The following AATK variants were observed in gnomAD, a reference collection of about 807,000 sequenced individuals.
AATK encodes the protein serine/threonine-protein kinase LMTK1.
A neutral mutation model predicts 114.3 loss-of-function variants in AATK; 91 were observed. The observed-to-expected ratio is 0.80, with a 90% CI of 0.67 to 0.95. AATK has a LOEUF of 0.95. Among genes scored for constraint, AATK ranks in the 40% least tolerant of loss-of-function variants. The pLI, the probability that AATK is intolerant of heterozygous loss-of-function variation, is 0.00. For missense variants in AATK, 2,176 were observed against 1,965.2 expected (o/e 1.11, Z -2.03); for synonymous variants, 1,075 against 916.5 (o/e 1.17, Z -3.12).
intron 12 of AATK, 118 bp from the exon 13 acceptor site, chr17:81,119,698 C>T: frequency 3.8e-6 from 3 of 792,422 alleles, no homozygotes; most frequent in South Asian, 2.1e-5. Context: ...CAGGCCCCGC[C>T]TCCCATGATG....
Position 81,126,993 on chromosome 17 carries a change from G to A in AATK, c.622-433C>T, listed in dbSNP as rs531541704. Among the ~76,000 whole-genome samples, 15 of 151,542 alleles carry A rather than the reference G, an allele frequency of 9.9e-5. No individual in the cohort carries two copies. In the South Asian group the frequency reaches 3.1e-3, roughly 32 times the overall value. The stretch of plus-strand genomic sequence containing the variant: ...CCCCTGTCCCGAGGGAAGCCAGCAG[G>A]GGATCCAGCCCAGCCACAGACAGCC... On this transcript the variant is annotated intron_variant, in intron 6 of 13. Transcript: ENST00000326724. This position sits in a 1 kb window ranked among gnomAD's most constrained non-coding sequence, Gnocchi z 5.1.
At chr17:81,123,472 C>T (rs1235423528) in intron 9 of AATK, 129 bp from the exon 10 acceptor site, 89 of 813,956 alleles carry the variant, frequency 1.1e-4, no homozygotes, top group Non-Finnish European at 1.4e-4. Flanking sequence ...GGGCCTGGTA[C>T]CATACCAGCC....
intron 1 of AATK, among the ~76,000 whole-genome samples, chr17:81,145,165 G>A (rs1026677603): frequency 2.7e-5 from 4 of 150,212 alleles, no homozygotes; most frequent in African/African-American, 9.8e-5. Context: ...CTCCCAAGGT[G>A]GAAAATGCAG....
At chr17:81,147,910 A>T (rs909695571) in intron 1 of AATK, among the ~76,000 whole-genome samples, 2 of 152,260 alleles carry the variant, frequency 1.3e-5, no homozygotes, top group African/African-American at 4.8e-5. Flanking sequence ...GCATATACAT[A>T]TTTGATGAGC....
chr17:81,164,918 T>C (rs1219124256), intron 1 of AATK, among the ~76,000 whole-genome samples: 1 of 152,084 alleles, frequency 6.6e-6, no homozygotes, highest in East Asian at 1.9e-4. Flanking sequence ...AGGGAGCAAA[T>C]GCCTTCAGAC....
chr17:81,120,628 A>T lies in AATK; in HGVS notation c.3308T>A (p.Leu1103Gln). 1 of 1,543,326 alleles carries T rather than the reference A, an allele frequency of 6.5e-7. No homozygotes were observed. The highest frequency in any genetic ancestry group is 8.7e-7 in the Non-Finnish European group (1 of 1,148,234). The part of the protein sequence containing the change: ...PSPSCSQFFL[L>Q]TPVPLRSEGN... ...TTCTGATCTCAGCGGAACCGGGGTCAGCAGGAAAAACTGGGAGCAGCTGGG... is the reference window on the plus strand; with the variant it reads ...TTCTGATCTCAGCGGAACCGGGGTCTGCAGGAAAAACTGGGAGCAGCTGGG... Residue 1103 changes from leucine to glutamine, a missense_variant, in exon 11 of 14, where the codon CTG (leucine) becomes CAG (glutamine). By Grantham distance (113) the Leu-to-Gln change is moderately radical (BLOSUM62 -2). Around this residue, in one of 4 missense-constraint regions of AATK, gnomAD observed 1,701 missense variants for 1,394.7 expected, o/e 1.22. Transcript: ENST00000326724.
At chr17:81,137,171 T>C (rs966211598) in intron 1 of AATK, among the ~76,000 whole-genome samples, 4 of 151,522 alleles carry the variant, frequency 2.6e-5, no homozygotes, top group Admixed American at 6.6e-5. Flanking sequence ...CACAGGAGAA[T>C]TGCTCGAACC....
chr17:81,120,559 C>T lies in AATK; in HGVS notation c.3377G>A (p.Gly1126Glu). The change falls in exon 11 of 14, where the codon GGG becomes GAG. Residue 1126 changes from glycine to glutamate, a missense_variant. Physicochemically the swap from Gly to Glu is moderately conservative, Grantham distance 98 (BLOSUM62 -2). This residue lies in a region of AATK where 1,701 missense variants were observed against 1,394.7 expected (regional missense o/e 1.22). Transcript: ENST00000326724. ...EFQGPPGLLS[G>E]PAPQKRMGGP... Reference sequence around the variant, plus strand: ...CCCCATCCGCTTTTGTGGGGCCGGCCCTGACAACAGTCCTGGGGGCCCCTG... The same window carrying T: ...CCCCATCCGCTTTTGTGGGGCCGGCTCTGACAACAGTCCTGGGGGCCCCTG... 1 of 1,512,096 alleles carries T rather than the reference C, an allele frequency of 6.6e-7. No homozygotes were observed. Among genetic ancestry groups the T allele is most frequent in the Non-Finnish European group, 8.8e-7 (1 of 1,130,542 alleles). 93.7% of individuals were successfully genotyped at this position (1,512,096 alleles called of 1,614,324 possible).
At chr17:81,164,068 G>C (rs2061456714) in intron 1 of AATK, among the ~76,000 whole-genome samples, 1 of 152,084 alleles carries the variant, frequency 6.6e-6, no homozygotes, top group South Asian at 2.1e-4. Flanking sequence ...TTGGGCCCTG[G>C]GGGTCTCTGT....
intron 7 of AATK, among the ~76,000 whole-genome samples, chr17:81,125,725 A>G (rs916936410): frequency 1.1e-4 from 15 of 140,478 alleles, no homozygotes; most frequent in African/African-American, 4.0e-4. Context: ...ACAGAGGCCA[A>G]CCCAGCCTGT....
At chr17:81,159,966 C>T (rs1031409668) in intron 1 of AATK, among the ~76,000 whole-genome samples, 4 of 152,182 alleles carry the variant, frequency 2.6e-5, no homozygotes, top group Admixed American at 6.5e-5. Context: ...ACACCCTCCC[C>T]GAGGGTGAGA....
At chr17:81,134,570 G>T in intron 1 of AATK, 69 bp from the exon 2 acceptor site, 1 of 1,551,392 alleles carries the variant, frequency 6.4e-7, no homozygotes, top group Non-Finnish European at 8.7e-7. Flanking sequence ...CCTGCTCTGG[G>T]CTCCACAGCC....
chr17:81,150,381 A>C (rs1010026653), intron 1 of AATK, among the ~76,000 whole-genome samples: 1 of 25,086 alleles, frequency 4.0e-5, no homozygotes, highest in Admixed American at 5.6e-4. Flanking sequence ...GGACTCCCCC[A>C]TCCTAGTGCT....
chr17:81,131,924 C>A, intron 2 of AATK: 1 of 1,343,848 alleles, frequency 7.4e-7, no homozygotes. Flanking sequence ...TCTGCCCCAG[C>A]AGCCTTGGAC....
chr17:81,136,231 T>G (rs1567816404), intron 1 of AATK: 1 of 152,406 alleles, frequency 6.6e-6, no homozygotes, highest in Non-Finnish European at 1.5e-5. Context: ...GGCGGGCCCT[T>G]CCCTCATGGG....
chr17:81,124,593 G>T, intron 9 of AATK, 134 bp downstream of exon 9: 1 of 1,442,276 alleles, frequency 6.9e-7, no homozygotes, highest in Non-Finnish European at 9.3e-7. Context: ...CCAGCCACTT[G>T]GGCTGCTGGC....
rs1177439400 is a variant in AATK at position 81,120,184 on chromosome 17, G to A, written c.3735+17C>T. 3.2e-6 allele frequency: 5 copies of A among 1,552,500 alleles called. No individual in the cohort carries two copies. Among genetic ancestry groups the A allele is most frequent in the South Asian group, 2.3e-5 (2 of 85,624 alleles). ...CGACCCCCAGCCCCGGGCAGACCCC[G>A]GGTGGCGGCGGCCCACCTGGTCAAA... On this transcript the variant is annotated intron_variant, in intron 11 of 13. Transcript: ENST00000326724.
intron 1 of AATK, chr17:81,165,509 A>G: frequency 1.6e-6 from 1 of 626,510 alleles, no homozygotes; most frequent in South Asian, 1.7e-5. Flanking sequence ...GGCTCTGAGA[A>G]TCGCTCCCAG....
intron 1 of AATK, among the ~76,000 whole-genome samples, chr17:81,137,043 A>C (rs2061021090): frequency 6.6e-6 from 1 of 152,072 alleles, no homozygotes; most frequent in African/African-American, 2.4e-5. Flanking sequence ...GGATCACTTG[A>C]GGTCAGGAGT....
Sources: allele counts gnomAD v4.1 joint callset (sites outside exome capture counted in the v4.1 genomes callset), GRCh38; gene constraint gnomAD v4.1.1; regional missense constraint gnomAD v4.1.1; non-coding constraint Gnocchi (gnomAD v3.1); transcripts MANE v1.5; gene names NCBI Gene and HGNC (gene_info 2026-07-23, HGNC 2026-07-21).